Variants in PTPRT observed in about 807,000 individuals in gnomAD.
PTPRT encodes receptor-type tyrosine-protein phosphatase T.
PTPRT carries 56 observed loss-of-function variants against 176.8 expected under a neutral mutation model. That is an observed-to-expected ratio of 0.32 (90% confidence interval 0.26 to 0.40). PTPRT has a LOEUF of 0.40. Ranked by LOEUF, PTPRT falls within the 10% of genes least tolerant of loss-of-function variation. The pLI is 1.00. For missense variants in PTPRT, 1,540 were observed against 1,908.2 expected, an observed-to-expected ratio of 0.81 and a Z score of 3.60; for synonymous variants, 783 against 739.0, an observed-to-expected ratio of 1.06 and a Z score of -0.96.
chr20:42,900,967 G>A (rs577234424), intron 1 of PTPRT, among the ~76,000 whole-genome samples: 1 of 152,250 alleles, frequency 6.6e-6, no homozygotes, highest in East Asian at 1.9e-4. Flanking sequence ...AGGACTGATT[G>A]TATCTTGAGT....
chr20:42,637,233 A>G (rs979636110), intron 7 of PTPRT, among the ~76,000 whole-genome samples: 5 of 152,184 alleles, frequency 3.3e-5, no homozygotes, highest in African/African-American at 1.2e-4. Context: ...TTACTGGTCT[A>G]CGTGTTTCAC....
intron 11 of PTPRT, among the ~76,000 whole-genome samples, chr20:42,322,393 T>A: frequency 7.0e-6 from 1 of 142,282 alleles, no homozygotes; most frequent in East Asian, 2.0e-4. Context: ...AACAGCATGG[T>A]ACTGGTACCA....
intron 1 of PTPRT, among the ~76,000 whole-genome samples, chr20:43,064,206 C>A (rs1987589465): frequency 2.0e-5 from 3 of 152,056 alleles, no homozygotes; most frequent in African/African-American, 7.2e-5. Flanking sequence ...ATGATAATGG[C>A]AATTCTTAGG....
chr20:42,683,572 C>G (rs2075641152), intron 6 of PTPRT, among the ~76,000 whole-genome samples: 1 of 152,216 alleles, frequency 6.6e-6, no homozygotes, highest in African/African-American at 2.4e-5. Flanking sequence ...GCCACCATGC[C>G]CAGCCTTCAA....
intron 6 of PTPRT, among the ~76,000 whole-genome samples, chr20:42,754,894 G>T (rs2076808975): frequency 6.6e-6 from 1 of 152,098 alleles, no homozygotes; most frequent in Non-Finnish European, 1.5e-5. Flanking sequence ...ACTTCATATG[G>T]TTTAGCAAAC....
At chr20:42,990,418 T>C (rs1436814394) in intron 1 of PTPRT, among the ~76,000 whole-genome samples, 1 of 152,120 alleles carries the variant, frequency 6.6e-6, no homozygotes, top group African/African-American at 2.4e-5. Flanking sequence ...GTGCATGGGA[T>C]TTAGGGTTGT....
At chr20:43,003,461 C>T (rs1033633911) in intron 1 of PTPRT, among the ~76,000 whole-genome samples, 1 of 152,224 alleles carries the variant, frequency 6.6e-6, no homozygotes, top group Non-Finnish European at 1.5e-5. Context: ...CTCAACCTCC[C>T]AAAGTGCTCG....
intron 27 of PTPRT, among the ~76,000 whole-genome samples, chr20:42,091,884 T>G (rs1416392015): frequency 6.6e-6 from 1 of 152,094 alleles, no homozygotes; most frequent in Non-Finnish European, 1.5e-5. Context: ...TAATACAATC[T>G]CCACATAGTG....
chr20:42,205,723 C>A (rs1049892846), intron 15 of PTPRT, among the ~76,000 whole-genome samples: 1 of 152,110 alleles, frequency 6.6e-6, no homozygotes, highest in African/African-American at 2.4e-5. Flanking sequence ...TAGGGCTCCT[C>A]CTCTGGGCCA....
At chr20:42,873,070 A>G (rs1030987505) in intron 2 of PTPRT, among the ~76,000 whole-genome samples, 4 of 152,210 alleles carry the variant, frequency 2.6e-5, no homozygotes, top group Non-Finnish European at 5.9e-5. Flanking sequence ...TGTTCTACAT[A>G]TTTAAAATCA....
chr20:42,519,819 T>C (rs1408768215), intron 7 of PTPRT, among the ~76,000 whole-genome samples: 1 of 152,178 alleles, frequency 6.6e-6, no homozygotes, highest in Non-Finnish European at 1.5e-5. Context: ...GTGGTTTATA[T>C]GCTTGGTTTA....
chr20:43,010,269 C>A (rs1985050226), intron 1 of PTPRT, among the ~76,000 whole-genome samples: 1 of 152,170 alleles, frequency 6.6e-6, no homozygotes, highest in Non-Finnish European at 1.5e-5. Flanking sequence ...AGACTGCAAA[C>A]TCCCTGCAGT....
chr20:42,439,934 G>A (rs761083011), intron 9 of PTPRT, among the ~76,000 whole-genome samples: 25 of 152,104 alleles, frequency 1.6e-4, no homozygotes, highest in Non-Finnish European at 5.9e-5. Flanking sequence ...TTTTGAGACA[G>A]TCTCGCTCTG....
At chr20:42,824,191 AC>A (rs60796638) in intron 2 of PTPRT, among the ~76,000 whole-genome samples, 2,908 of 152,292 alleles carry the variant, frequency 0.019, 33 homozygotes, top group Non-Finnish European at 0.029. Flanking sequence ...GGAAATTATC[AC>A]AAAAATAATT....
chr20:42,144,893 G>A (rs74394021), intron 17 of PTPRT, among the ~76,000 whole-genome samples: 3,148 of 152,274 alleles, frequency 0.021, 105 homozygotes, highest in African/African-American at 0.071. Flanking sequence ...GAACCAGGTT[G>A]ATCAGAAATT....
At position 42,513,751 on chromosome 20, in the gene PTPRT, T is replaced by C. The variant is rs914306286; in HGVS notation, c.1154-41189A>G. ...CACTTTGCTGCACTCTTCTAATTCA[T>C]ACATTTCTTTACCCCAAGAAACACC... On this transcript the variant is annotated intron_variant, in intron 7 of 30. Transcript: ENST00000373187. 2.0e-5 allele frequency among the ~76,000 whole-genome samples: 3 copies of C among 152,304 alleles called. No individual in the cohort carries two copies. In the East Asian group the frequency reaches 5.8e-4, roughly 29 times the overall value.
intron 9 of PTPRT, among the ~76,000 whole-genome samples, chr20:42,427,438 GAGGTTGGGAAATCCACGATCA>G (rs1479882245): frequency 1.3e-5 from 2 of 152,156 alleles, no homozygotes; most frequent in African/African-American, 2.4e-5. Flanking sequence ...GCTCACAATT[GAGGTTGGGAAATCCACGATCA>G]AGGTGCCTGC....
intron 7 of PTPRT, among the ~76,000 whole-genome samples, chr20:42,630,452 G>C (rs768583882): frequency 2.6e-5 from 4 of 152,078 alleles, no homozygotes; most frequent in Non-Finnish European, 5.9e-5. Flanking sequence ...GTAAAGGAAA[G>C]AGCCACACAC....
chr20:42,372,130 C>T (rs965248730), intron 9 of PTPRT, among the ~76,000 whole-genome samples: 22 of 152,228 alleles, frequency 1.4e-4, no homozygotes, highest in African/African-American at 5.1e-4. Flanking sequence ...AAGAGTCCAA[C>T]CTTCAAAGAT....
Sources: allele counts gnomAD v4.1 joint callset (sites outside exome capture counted in the v4.1 genomes callset), GRCh38; gene constraint gnomAD v4.1.1; transcripts MANE v1.5; gene names NCBI Gene and HGNC (gene_info 2026-07-23, HGNC 2026-07-21).